The following UGT3A1 variants were observed in gnomAD, a reference collection of about 807,000 sequenced individuals.
The protein encoded by UGT3A1 is UDP glycosyltransferase family 3 member A1.
Under a neutral mutation model 37.6 loss-of-function variants are expected in UGT3A1, and 40 were observed. The observed-to-expected ratio is 1.06, with a 90% CI of 0.83 to 1.38. UGT3A1 has a LOEUF of 1.38. UGT3A1 is among the 40% of genes most tolerant of loss of function. UGT3A1 has a pLI of 0.00. For synonymous variants in UGT3A1, 256 were observed against 232.3 expected (o/e 1.10, Z -0.93); for missense variants, 642 against 634.2 (o/e 1.01, Z -0.13).
intron 2 of UGT3A1, among the ~76,000 whole-genome samples, chr5:35,973,095 C>A (rs182313023): frequency 8.5e-5 from 13 of 152,194 alleles, no homozygotes; most frequent in African/African-American, 3.1e-4. Context: ...GCTATTGAAC[C>A]CCTAACTTCT....
intron 4 of UGT3A1, among the ~76,000 whole-genome samples, chr5:35,959,863 G>A (rs1326240938): frequency 6.6e-6 from 1 of 151,930 alleles, no homozygotes; most frequent in Non-Finnish European, 1.5e-5. Context: ...AAAGTCGAAG[G>A]AAAAAAGTCA....
intron 6 of UGT3A1, 117 bp downstream of exon 6, chr5:35,955,528 A>G: frequency 8.4e-7 from 1 of 1,185,922 alleles, no homozygotes; most frequent in South Asian, 1.4e-5. Context: ...CATCACACAC[A>G]TGTTATTCCA....
intron 3 of UGT3A1, among the ~76,000 whole-genome samples, 159 bp downstream of exon 3, chr5:35,967,860 C>A (rs112232630): frequency 6.6e-6 from 1 of 152,178 alleles, no homozygotes; most frequent in African/African-American, 2.4e-5. Flanking sequence ...ACTGTCCATC[C>A]ATCTATCCAT....
At chr5:35,962,868 T>C in intron 4 of UGT3A1, 1 of 702,438 alleles carries the variant, frequency 1.4e-6, no homozygotes, top group Non-Finnish European at 2.6e-6. Flanking sequence ...CTCCAGATTC[T>C]GAGGGTCAAA....
intron 2 of UGT3A1, among the ~76,000 whole-genome samples, chr5:35,984,141 A>T (rs532801269): frequency 9.8e-5 from 15 of 152,316 alleles, no homozygotes; most frequent in African/African-American, 3.1e-4. Context: ...ATGATTTTAT[A>T]CTTAAAAAAC....
intron 2 of UGT3A1, among the ~76,000 whole-genome samples, chr5:35,985,244 G>A (rs998491995): frequency 6.6e-6 from 1 of 151,814 alleles, no homozygotes; most frequent in Non-Finnish European, 1.5e-5. Context: ...CCTTGTTCAT[G>A]GACTAGAAGA....
intron 2 of UGT3A1, among the ~76,000 whole-genome samples, chr5:35,977,388 A>G (rs1740332486): frequency 6.6e-6 from 1 of 152,212 alleles, no homozygotes; most frequent in South Asian, 2.1e-4. Context: ...GCCCCCTCCA[A>G]ATCTCATTGA....
At position 35,969,324 on chromosome 5, in the gene UGT3A1, T is replaced by G. The variant is rs530047277; in HGVS notation, c.197-1191A>C. Among the ~76,000 whole-genome samples, 5 of 152,278 alleles carry G rather than the reference T, an allele frequency of 3.3e-5. No individual in the cohort carries two copies. In the South Asian group the frequency reaches 1.0e-3, roughly 32 times the overall value. ...ACAGAATTATTAGGAAAAGCACCCA[T>G]GACAACACTATACAGCCAAAGAGAT... On this transcript the variant is annotated intron_variant, in intron 2 of 6. Transcript: ENST00000274278.
At chr5:35,967,527 G>A (rs1409684484) in intron 3 of UGT3A1, among the ~76,000 whole-genome samples, 1 of 152,176 alleles carries the variant, frequency 6.6e-6, no homozygotes, top group East Asian at 1.9e-4. Context: ...TTCAAGGTGT[G>A]AAAAATCAAT....
At chr5:35,992,177 C>A (rs1561475314), upstream of UGT3A1, among the ~76,000 whole-genome samples, 2 of 152,292 alleles carry the variant, frequency 1.3e-5, no homozygotes, top group East Asian at 3.9e-4. Flanking sequence ...CCCTTGAATT[C>A]TGCTTGTACT....
At position 35,954,039 on chromosome 5, in the gene UGT3A1, T is replaced by C; in HGVS notation, c.*163A>G. On this transcript the variant is annotated 3_prime_UTR_variant, in exon 7 of 7. Transcript: ENST00000274278. The stretch of plus-strand genomic sequence containing the variant: ...GGGGCAAGTCAAGAAGCCTCAGTGG[T>C]GCGTGAAGATTTCTAAACAGAGGCA... 1.3e-6 allele frequency: 1 copy of C among 757,302 alleles called. No individual in the cohort carries two copies. The highest frequency in any genetic ancestry group is 2.1e-6 in the Non-Finnish European group (1 of 480,896). The allele number at this position is 757,302 out of a possible 1,614,324, so 46.9% of individuals were successfully genotyped here. A position where few individuals can be genotyped will look rare whatever the true frequency, so the allele number is the denominator to read the frequency against.
rs369769596 is a variant in UGT3A1 at position 35,955,831 on chromosome 5, C to A, written c.1109G>T (p.Gly370Val). ...HPSIRLFVTHGGQNSVMEAIR... is the reference protein window; with the variant it reads ...HPSIRLFVTHVGQNSVMEAIR... ...GGCCTCCATTACGCTGTTCTGCCCA[C>A]CATGAGTGACAAAAAGACGGATGCT... Residue 370 changes from glycine (G) to valine (V), a missense_variant, in exon 6 of 7, where the codon GGT becomes GTT. Gly to Val is a moderately radical substitution (Grantham distance 109). Transcript: ENST00000274278. The A allele has an allele frequency of 3.0e-5, 49 of 1,614,066 alleles. No individual in the cohort carries two copies. Among genetic ancestry groups the A allele is most frequent in the Non-Finnish European group, 3.9e-5 (46 of 1,180,040 alleles).
chr5:35,960,998 G>A (rs1328141854), intron 4 of UGT3A1: 2 of 152,212 alleles, frequency 1.3e-5, no homozygotes, highest in Non-Finnish European at 2.9e-5. Context: ...GGAACCTGAG[G>A]TCTCAGATTT....
At chr5:35,964,588 C>T (rs967126410) in intron 4 of UGT3A1, among the ~76,000 whole-genome samples, 1 of 152,162 alleles carries the variant, frequency 6.6e-6, no homozygotes, top group African/African-American at 2.4e-5. Context: ...CTCGTGGCCT[C>T]TGCACTACAC....
intron 2 of UGT3A1, among the ~76,000 whole-genome samples, chr5:35,968,534 T>G (rs1739906782): frequency 6.6e-6 from 1 of 152,290 alleles, no homozygotes; most frequent in Admixed American, 6.5e-5. Context: ...CTCTTTTCTC[T>G]TTTAGAAAAA....
At chr5:35,956,870 TG>T (rs1739374578) in intron 5 of UGT3A1, among the ~76,000 whole-genome samples, 2 of 152,192 alleles carry the variant, frequency 1.3e-5, no homozygotes, top group African/African-American at 4.8e-5. Flanking sequence ...TAGATTGTGT[TG>T]GGGTGACTCT....
At chr5:35,991,761 A>G, upstream of UGT3A1, 1 of 481,700 alleles carries the variant, frequency 2.1e-6, no homozygotes, top group Non-Finnish European at 2.7e-6. Flanking sequence ...TCCCAAGCTC[A>G]AGATGTCCCT....
upstream of UGT3A1, among the ~76,000 whole-genome samples, chr5:35,993,553 C>T (rs553462610): frequency 3.3e-5 from 5 of 152,208 alleles, no homozygotes; most frequent in Middle Eastern, 6.8e-3. Flanking sequence ...TTGTGTACTT[C>T]TCAATATCCC....
chr5:35,964,012 T>C (rs1286661090), intron 4 of UGT3A1, among the ~76,000 whole-genome samples: 1 of 152,186 alleles, frequency 6.6e-6, no homozygotes, highest in Admixed American at 6.5e-5. Context: ...GATAAAAAAA[T>C]GTTTTGGAGA....
Sources: allele counts gnomAD v4.1 joint callset (sites outside exome capture counted in the v4.1 genomes callset), GRCh38; gene constraint gnomAD v4.1.1; transcripts MANE v1.5; gene names NCBI Gene and HGNC (gene_info 2026-07-23, HGNC 2026-07-21).